Variants in EBF2 observed in about 807,000 individuals in gnomAD.
EBF2 encodes transcription factor COE2.
A neutral mutation model predicts 72.8 loss-of-function variants in EBF2; 21 were observed. The observed-to-expected ratio is 0.29, with a 90% confidence interval of 0.20 to 0.42. The LOEUF (loss-of-function observed/expected upper bound fraction) is 0.42. EBF2 is among the 10% of genes least tolerant of loss of function. EBF2 has a pLI of 1.00. For synonymous variants in EBF2, 299 were observed against 274.2 expected (o/e 1.09, Z -0.89); for missense variants, 637 against 731.2 (o/e 0.87, Z 1.49).
At chr8:25,845,321 G>A (rs886152201) in intron 15 of EBF2, among the ~76,000 whole-genome samples, 3 of 150,460 alleles carry the variant, frequency 2.0e-5, no homozygotes, top group Admixed American at 6.6e-5. Flanking sequence ...GCAACCTCCT[G>A]GGTTCAAGTG....
At chr8:25,931,165 A>T (rs557147621) in intron 6 of EBF2, among the ~76,000 whole-genome samples, 1 of 152,332 alleles carries the variant, frequency 6.6e-6, no homozygotes, top group Non-Finnish European at 1.5e-5. Flanking sequence ...GAAGGGGCAC[A>T]CTATAAATTT....
chr8:26,036,518 G>C (rs944220077), intron 5 of EBF2, among the ~76,000 whole-genome samples: 1 of 147,812 alleles, frequency 6.8e-6, no homozygotes, highest in African/African-American at 2.5e-5. Context: ...TTTTTTTCTG[G>C]GTCTGTTAAG....
chr8:25,992,383 C>G (rs1408491328), intron 6 of EBF2, among the ~76,000 whole-genome samples: 1 of 143,760 alleles, frequency 7.0e-6, no homozygotes, highest in Non-Finnish European at 1.5e-5. Flanking sequence ...TAGGCCAAGA[C>G]CAGATGCAAG....
At chr8:25,997,166 T>A (rs1002436221) in intron 6 of EBF2, among the ~76,000 whole-genome samples, 3 of 152,194 alleles carry the variant, frequency 2.0e-5, no homozygotes, top group Admixed American at 2.0e-4. Flanking sequence ...CCGCCCACTC[T>A]GTGCTAAAAT....
intron 6 of EBF2, among the ~76,000 whole-genome samples, chr8:26,024,853 C>T (rs1360044666): frequency 6.6e-6 from 1 of 152,076 alleles, no homozygotes; most frequent in Non-Finnish European, 1.5e-5. Flanking sequence ...TTATTAACAC[C>T]ATCACACAGC....
chr8:26,005,561 T>TATATAGAAAGAG (rs375386709), intron 6 of EBF2, among the ~76,000 whole-genome samples: 1 of 63,886 alleles, frequency 1.6e-5, no homozygotes, highest in South Asian at 4.8e-4. Flanking sequence ...TATATATATA[T>TATATAGAAAGAG]AGAGAGAGAG....
chr8:25,895,217 T>C (rs1802848073), intron 7 of EBF2, among the ~76,000 whole-genome samples: 1 of 152,232 alleles, frequency 6.6e-6, no homozygotes, highest in African/African-American at 2.4e-5. Flanking sequence ...TCAACTGATA[T>C]ATTGCAATGC....
intron 1 of EBF2, among the ~76,000 whole-genome samples, chr8:26,043,281 C>T (rs563933424): frequency 2.6e-5 from 4 of 152,398 alleles, no homozygotes; most frequent in East Asian, 1.9e-4. Context: ...TGGGGTCTCC[C>T]AGGTTGAACC....
intron 6 of EBF2, among the ~76,000 whole-genome samples, chr8:25,914,933 A>T (rs1803186400): frequency 1.3e-5 from 2 of 152,234 alleles, no homozygotes; most frequent in South Asian, 4.1e-4. Flanking sequence ...GATCTGAAAA[A>T]TTTAACTTTA....
chr8:26,042,359 TC>T, intron 1 of EBF2, 108 bp from the exon 2 acceptor site: 1 of 1,372,326 alleles, frequency 7.3e-7, no homozygotes, highest in Non-Finnish European at 9.8e-7. Flanking sequence ...ACTTCCCAGG[TC>T]CAGAGTTCTG....
chr8:25,892,537 C>T (rs1802802694), intron 7 of EBF2, among the ~76,000 whole-genome samples: 1 of 152,154 alleles, frequency 6.6e-6, no homozygotes, highest in Non-Finnish European at 1.5e-5. Flanking sequence ...TCCATCCTAC[C>T]CCCACCACCA....
chr8:25,933,411 C>T (rs1475209324), intron 6 of EBF2, among the ~76,000 whole-genome samples: 1 of 152,174 alleles, frequency 6.6e-6, no homozygotes, highest in Non-Finnish European at 1.5e-5. Flanking sequence ...ACACAGACTT[C>T]CACCTTATGG....
chr8:26,039,952 G>C (rs558731959), intron 5 of EBF2, 76 bp downstream of exon 5: 18 of 1,530,874 alleles, frequency 1.2e-5, no homozygotes, highest in African/African-American at 6.8e-5. Context: ...AGTTAGTCCC[G>C]GGAACGCGGC....
At chr8:26,008,734 G>C (rs1804925391) in intron 6 of EBF2, among the ~76,000 whole-genome samples, 1 of 37,828 alleles carries the variant, frequency 2.6e-5, no homozygotes, top group Non-Finnish European at 7.4e-5. Flanking sequence ...TGTTTCCTTA[G>C]AAACCAAACA....
intron 14 of EBF2, chr8:25,858,091 G>A (rs748660361): frequency 2.1e-5 from 14 of 667,448 alleles, no homozygotes; most frequent in East Asian, 6.0e-5. Flanking sequence ...CTATAAAAAC[G>A]GAATTGTTTC....
intron 6 of EBF2, among the ~76,000 whole-genome samples, chr8:25,990,479 T>C (rs1452720199): frequency 6.6e-6 from 1 of 152,176 alleles, no homozygotes; most frequent in Non-Finnish European, 1.5e-5. Context: ...CAAGCACTCA[T>C]GTTCAGATTC....
chr8:26,001,924 G>A (rs1469823710), intron 6 of EBF2, among the ~76,000 whole-genome samples: 1 of 152,142 alleles, frequency 6.6e-6, no homozygotes, highest in Non-Finnish European at 1.5e-5. Context: ...GGATCCTAAT[G>A]ATGCTGCTCA....
At chr8:25,877,108 G>C (rs1489571261) in intron 10 of EBF2, among the ~76,000 whole-genome samples, 1 of 152,130 alleles carries the variant, frequency 6.6e-6, no homozygotes, top group Non-Finnish European at 1.5e-5. Flanking sequence ...TTCTGTGGTT[G>C]GTGCAGATTT....
chr8:25,969,681 G>C (rs1397592841), intron 6 of EBF2, among the ~76,000 whole-genome samples: 1 of 152,144 alleles, frequency 6.6e-6, no homozygotes, highest in Non-Finnish European at 1.5e-5. Context: ...AGTCTCCTTT[G>C]AGGCAGGGTT....
Sources: gnomAD v4.1 joint callset for allele counts (sites outside exome capture counted in the v4.1 genomes callset) on GRCh38, gnomAD v4.1.1 for gene constraint, MANE v1.5 for transcripts, NCBI Gene and HGNC (gene_info 2026-07-23, HGNC 2026-07-21) for gene names.